Variants in ADAM19 observed in about 807,000 individuals in gnomAD.
ADAM19 encodes disintegrin and metalloproteinase domain-containing protein 19.
In ADAM19, 65 loss-of-function variants were observed where a neutral mutation model predicts 114.7. The ratio of observed to expected loss-of-function variants is 0.57; its 90% CI spans 0.46 to 0.70. The LOEUF (loss-of-function observed/expected upper bound fraction) is 0.70, where lower values mean the gene tolerates loss of function less well. ADAM19 is among the 30% of genes least tolerant of loss of function. The pLI, the probability that ADAM19 is intolerant of heterozygous loss-of-function variation, is 0.00. For synonymous variants in ADAM19, 466 were observed against 460.5 expected, an observed-to-expected ratio of 1.01 and a Z score of -0.15; for missense variants, 1,063 against 1,204.7, an observed-to-expected ratio of 0.88 and a Z score of 1.74.
At chr5:157,562,203 C>T (rs1330900850) in intron 3 of ADAM19, among the ~76,000 whole-genome samples, 1 of 152,154 alleles carries the variant, frequency 6.6e-6, no homozygotes, top group Non-Finnish European at 1.5e-5. Flanking sequence ...AACAAAAAGC[C>T]CAATTTGGAT....
Position 157,477,848 on chromosome 5 carries a change from GGCA to G in ADAM19, c.*3098_*3100del. 2 of 614,430 alleles carry G rather than the reference GGCA, an allele frequency of 3.3e-6. No homozygotes were observed. Among genetic ancestry groups the G allele is most frequent in the East Asian group, 6.9e-5 (1 of 14,468 alleles). The allele number at this position is 614,430 out of a possible 1,614,324, so 38.1% of individuals were successfully genotyped here. The stretch of plus-strand genomic sequence containing the variant: ...TATTGCTTCAGGGGGAAGGGACTAT[GGCA>G]ATACAAAAAAACACTCCAACCAGAA... On this transcript the variant is annotated 3_prime_UTR_variant, in exon 23 of 23. Transcript: ENST00000257527.
At chr5:157,554,749 C>T (rs561366772) in intron 3 of ADAM19, among the ~76,000 whole-genome samples, 1 of 152,290 alleles carries the variant, frequency 6.6e-6, no homozygotes, top group Non-Finnish European at 1.5e-5. Context: ...CACCAGGCAC[C>T]CTGTAAATCC....
At chr5:157,494,594 G>T in intron 15 of ADAM19, 93 bp downstream of exon 15, 1 of 991,472 alleles carries the variant, frequency 1.0e-6, no homozygotes, top group Non-Finnish European at 1.6e-6. Context: ...GCAGCTCTGG[G>T]GCCAGTCACA....
intron 1 of ADAM19, among the ~76,000 whole-genome samples, chr5:157,574,982 C>A (rs1343427009): frequency 2.0e-5 from 3 of 152,184 alleles, no homozygotes; most frequent in African/African-American, 7.2e-5. Context: ...CCTCGGTTTC[C>A]CCATCTGTGA....
At chr5:157,511,040 G>T (rs1226703441) in intron 8 of ADAM19, among the ~76,000 whole-genome samples, 1 of 152,200 alleles carries the variant, frequency 6.6e-6, no homozygotes. Flanking sequence ...CCTCCTCGAG[G>T]CTAGAGCTAC....
intron 6 of ADAM19, among the ~76,000 whole-genome samples, 189 bp downstream of exon 6, chr5:157,519,650 C>T (rs543191800): frequency 1.3e-5 from 2 of 152,324 alleles, no homozygotes; most frequent in African/African-American, 2.4e-5. Flanking sequence ...AGTGTTTTCC[C>T]CCAAAAGCAG....
intron 3 of ADAM19, among the ~76,000 whole-genome samples, chr5:157,550,608 T>C (rs1244117377): frequency 6.6e-6 from 1 of 151,400 alleles, no homozygotes; most frequent in Non-Finnish European, 1.5e-5. Flanking sequence ...TTTGTAAATA[T>C]ACTAAAACAG....
At position 157,530,982 on chromosome 5, in the gene ADAM19, T is replaced by C. The variant is rs149807619; in HGVS notation, c.331-99A>G. 8.4e-4 allele frequency: 831 copies of C among 988,216 alleles called. 5 individuals are homozygous for C. In the African/African-American group the frequency reaches 0.01, roughly 12 times the overall value. The allele number at this position is 988,216 out of a possible 1,614,324, so 61.2% of individuals were successfully genotyped here. On this transcript the variant is annotated intron_variant, in intron 4 of 22. Transcript: ENST00000257527. ...CATGGATGACTCATGGCTTATTATA[T>C]ACCTACCCAACCTTATAGCACCTTA...
chr5:157,541,201 T>C (rs1756909399), intron 3 of ADAM19, among the ~76,000 whole-genome samples: 1 of 152,006 alleles, frequency 6.6e-6, no homozygotes, highest in Non-Finnish European at 1.5e-5. Context: ...CTTGTTCTCA[T>C]CTCCTCCCTG....
intron 5 of ADAM19, among the ~76,000 whole-genome samples, chr5:157,520,584 C>T (rs1756256947): frequency 6.6e-6 from 1 of 152,184 alleles, no homozygotes; most frequent in African/African-American, 2.4e-5. Flanking sequence ...TGCTCTTCAA[C>T]AAGCATCTTA....
chr5:157,531,580 T>C (rs11465278), intron 4 of ADAM19, among the ~76,000 whole-genome samples: 5,367 of 151,922 alleles, frequency 0.035, 141 homozygotes, highest in Middle Eastern at 0.15. Flanking sequence ...GGCAGGAGAA[T>C]TGCTTGAGTC....
chr5:157,486,736 C>T (rs1754945636), intron 21 of ADAM19, among the ~76,000 whole-genome samples: 1 of 152,042 alleles, frequency 6.6e-6, no homozygotes, highest in African/African-American at 2.4e-5. Flanking sequence ...TCTCTACACG[C>T]CTGCTTTCTC....
At chr5:157,535,056 A>T (rs1756725348) in intron 4 of ADAM19, among the ~76,000 whole-genome samples, 1 of 139,438 alleles carries the variant, frequency 7.2e-6, no homozygotes, top group African/African-American at 2.5e-5. Context: ...GTGGGGTTGG[A>T]AGAGTTGCTT....
In ADAM19 at chr5:157,519,867, GTA is replaced by G; in HGVS notation, c.570_571del (p.Gln192ThrfsTer27). The G allele has an allele frequency of 6.2e-7, 1 of 1,613,828 alleles. No individual in the cohort carries two copies. On this transcript the variant is annotated frameshift_variant, in exon 6 of 23. Coordinates refer to ENST00000257527, the MANE Select transcript of ADAM19 (RefSeq NM_033274.5). LOFTEE classifies it high-confidence loss of function. ...GCGAGGTCGCTTCTTGGTCTGTTGT[GTA>G]AACTGAAGAGCCCAGTCCCTGGTGG...
chr5:157,517,945 T>C (rs907646142), intron 7 of ADAM19, among the ~76,000 whole-genome samples: 4 of 152,108 alleles, frequency 2.6e-5, no homozygotes, highest in African/African-American at 9.7e-5. Flanking sequence ...CAGTCTGGGA[T>C]TCAGGAGGTC....
chr5:157,507,943 A>G (rs534565475), intron 9 of ADAM19, among the ~76,000 whole-genome samples: 2 of 152,358 alleles, frequency 1.3e-5, no homozygotes, highest in Non-Finnish European at 2.9e-5. Flanking sequence ...TTGTCTTCTC[A>G]TCTAGACCAT....
chr5:157,570,991 A>C lies in ADAM19; in HGVS notation c.95-11T>G. The C allele has an allele frequency of 6.2e-7, 1 of 1,613,302 alleles. No homozygotes were observed. The highest frequency in any genetic ancestry group is 8.5e-7 in the Non-Finnish European group (1 of 1,179,526). ...CTTCCTCACTTCCTCCTGCCAATAC[A>C]AGATGCAAAACCATTGGAATCCCAG... On this transcript the variant is annotated splice_polypyrimidine_tract_variant and intron_variant, in intron 1 of 22. Transcript: ENST00000257527.
chr5:157,530,311 T>A (rs1487054805), intron 5 of ADAM19, among the ~76,000 whole-genome samples: 1 of 152,188 alleles, frequency 6.6e-6, no homozygotes, highest in East Asian at 1.9e-4. Flanking sequence ...AGAGAGCCCA[T>A]AAACCCCAGA....
At chr5:157,533,869 G>A (rs1306073955) in intron 4 of ADAM19, among the ~76,000 whole-genome samples, 2 of 152,114 alleles carry the variant, frequency 1.3e-5, no homozygotes, top group Non-Finnish European at 2.9e-5. Flanking sequence ...CTCGGAGACT[G>A]AGGGAGGAGA....
Sources: gnomAD v4.1 joint callset for allele counts (sites outside exome capture counted in the v4.1 genomes callset) on GRCh38, gnomAD v4.1.1 for gene constraint, MANE v1.5 for transcripts, NCBI Gene and HGNC (gene_info 2026-07-23, HGNC 2026-07-21) for gene names.